Variants in LHFPL2 observed in about 807,000 individuals in gnomAD.
LHFPL2 encodes LHFPL tetraspan subfamily member 2.
In LHFPL2, 7 loss-of-function variants were observed where a neutral mutation model predicts 17.5. That is an observed-to-expected ratio of 0.40 (90% CI 0.23 to 0.75). The LOEUF is 0.75. Ranked by LOEUF, LHFPL2 falls within the 30% of genes least tolerant of loss-of-function variation. LHFPL2 has a pLI of 0.37. For synonymous variants in LHFPL2, 134 were observed against 116.2 expected (o/e 1.15, Z -0.99); for missense variants, 241 against 294.8 (o/e 0.82, Z 1.34).
intron 2 of LHFPL2, among the ~76,000 whole-genome samples, chr5:78,594,707 C>A (rs1743766689): frequency 6.6e-6 from 1 of 152,120 alleles, no homozygotes; most frequent in South Asian, 2.1e-4. Flanking sequence ...AGAAAAGGGA[C>A]AAACTTACAA....
At chr5:78,634,072 G>A (rs1283030244) in intron 1 of LHFPL2, among the ~76,000 whole-genome samples, 6 of 152,122 alleles carry the variant, frequency 3.9e-5, no homozygotes, top group Non-Finnish European at 7.4e-5. Context: ...CTCTTTCTTT[G>A]AATATCTATC....
intron 3 of LHFPL2, among the ~76,000 whole-genome samples, chr5:78,534,528 C>G (rs78508813): frequency 6.6e-6 from 1 of 152,232 alleles, no homozygotes; most frequent in Non-Finnish European, 1.5e-5. Flanking sequence ...CGCTGACTCA[C>G]TCTGGTGCCT....
At chr5:78,637,827 A>T (rs1745508830) in intron 1 of LHFPL2, among the ~76,000 whole-genome samples, 1 of 152,220 alleles carries the variant, frequency 6.6e-6, no homozygotes, top group Admixed American at 6.5e-5. Context: ...ACAGGATTCC[A>T]GCCAATTCTT....
intron 2 of LHFPL2, among the ~76,000 whole-genome samples, chr5:78,586,231 G>A (rs115137307): frequency 0.014 from 2,093 of 152,202 alleles, 47 homozygotes; most frequent in African/African-American, 0.046. Flanking sequence ...TTCCTCATCC[G>A]AAACATGGGA....
chr5:78,510,164 C>T lies in LHFPL2; in HGVS notation c.50G>A (p.Ser17Asn), dbSNP rs1449373472. ...GAGCTCGGCAAAAGCCACCACAATA[C>T]TCAGCAAGGTCCAGAGCATCGAGCG... ...TCRSMLWTLL[S>N]IVVAFAELIA... Residue 17 changes from serine (S) to asparagine (N), a missense_variant, in exon 4 of 5, where the codon AGT (serine) becomes AAT (asparagine). Physicochemically the swap from Ser to Asn is conservative, Grantham distance 46. Coordinates refer to ENST00000380345, the MANE Select transcript of LHFPL2 (RefSeq NM_005779.3). 6.2e-7 allele frequency: 1 copy of T among 1,611,712 alleles called. No individual in the cohort carries two copies. The highest frequency in any genetic ancestry group is 2.2e-5 in the East Asian group (1 of 44,798).
At position 78,488,560 on chromosome 5, in the gene LHFPL2, A is replaced by G. The variant is rs866773634; in HGVS notation, c.*337T>C. 7 of 281,062 alleles carry G rather than the reference A, an allele frequency of 2.5e-5. No individual in the cohort carries two copies. Among genetic ancestry groups the G allele is most frequent in the South Asian group, 1.9e-4 (4 of 21,514 alleles). The allele number at this position is 281,062 out of a possible 1,614,324, so 17.4% of individuals were successfully genotyped here. On this transcript the variant is annotated 3_prime_UTR_variant, in exon 5 of 5. Coordinates refer to ENST00000380345, the MANE Select transcript of LHFPL2 (RefSeq NM_005779.3). ...CAGAAACAGCCTGCAGATCTGGCGGACGGTCTCTTCCGTTACCAGAGAAAC... is the reference window on the plus strand; with the variant it reads ...CAGAAACAGCCTGCAGATCTGGCGGGCGGTCTCTTCCGTTACCAGAGAAAC...
chr5:78,550,725 C>T (rs1431192629), intron 3 of LHFPL2, among the ~76,000 whole-genome samples: 1 of 152,108 alleles, frequency 6.6e-6, no homozygotes, highest in Non-Finnish European at 1.5e-5. Context: ...TTCCCACCAC[C>T]AGGCTCGGCT....
In LHFPL2 at chr5:78,594,988, A is replaced by G. The variant is rs114167863; in HGVS notation, c.-244-30117T>C. Among the ~76,000 whole-genome samples the G allele has an allele frequency of 4.9e-3, 743 of 152,286 alleles. 7 individuals are homozygous for G. The highest frequency in any genetic ancestry group is 0.017 in the African/African-American group (704 of 41,562). On this transcript the variant is annotated intron_variant, in intron 2 of 4. Coordinates refer to ENST00000380345, the MANE Select transcript of LHFPL2 (RefSeq NM_005779.3). ...CTTGCTCTTAGAATAGAGTCTGGGG[A>G]CCAGCCTGGCTGGCCTAGCTATCTC...
chr5:78,491,651 C>G (rs191555469), intron 4 of LHFPL2, among the ~76,000 whole-genome samples: 54 of 152,302 alleles, frequency 3.5e-4, no homozygotes, highest in African/African-American at 1.3e-3. Context: ...GAGTTTGAAT[C>G]CAGGCTCCGC....
intron 3 of LHFPL2, among the ~76,000 whole-genome samples, chr5:78,546,803 C>A (rs952064993): frequency 1.1e-4 from 16 of 152,154 alleles, no homozygotes; most frequent in African/African-American, 3.6e-4. Context: ...TGGCTGCTTC[C>A]AAATGTCTGT....
chr5:78,644,451 T>C, intron 1 of LHFPL2: 1 of 628,178 alleles, frequency 1.6e-6, no homozygotes, highest in Non-Finnish European at 2.8e-6. Flanking sequence ...GGCAGTGCCC[T>C]TCCACATCTC....
intron 3 of LHFPL2, among the ~76,000 whole-genome samples, chr5:78,513,747 A>G (rs1423456862): frequency 1.3e-5 from 2 of 152,158 alleles, no homozygotes; most frequent in Non-Finnish European, 2.9e-5. Context: ...CTTAGTTCTC[A>G]TTCTCTCTTG....
chr5:78,610,945 A>G (rs1561364316), intron 2 of LHFPL2, among the ~76,000 whole-genome samples: 1 of 151,972 alleles, frequency 6.6e-6, no homozygotes, highest in Non-Finnish European at 1.5e-5. Flanking sequence ...TTAACACAAC[A>G]TTTAAGTGTC....
intron 4 of LHFPL2, among the ~76,000 whole-genome samples, chr5:78,490,430 C>T (rs1754399704): frequency 6.6e-6 from 1 of 152,150 alleles, no homozygotes; most frequent in Non-Finnish European, 1.5e-5. Context: ...AGATTTTACC[C>T]AGCAAAACTT....
In LHFPL2 at chr5:78,488,358, T is replaced by C; in HGVS notation, c.*539A>G. 6.1e-6 allele frequency: 1 copy of C among 165,046 alleles called. No individual in the cohort carries two copies. The highest frequency in any genetic ancestry group is 1.3e-5 in the Non-Finnish European group (1 of 74,500). 10.2% of individuals were successfully genotyped at this position (165,046 alleles called of 1,614,324 possible). ...ACTCCACGCCATCCCTGCTGACCCC[T>C]TTGGTCAGCTAAGCAAAAGACAGTG... On this transcript the variant is annotated 3_prime_UTR_variant, in exon 5 of 5. Transcript: ENST00000380345.
At chr5:78,545,171 C>T (rs994484948) in intron 3 of LHFPL2, among the ~76,000 whole-genome samples, 8 of 151,924 alleles carry the variant, frequency 5.3e-5, no homozygotes, top group East Asian at 1.9e-4. Flanking sequence ...ACGCAGAGAG[C>T]GCTTCTTCAC....
chr5:78,545,833 T>C lies in LHFPL2; in HGVS notation c.-186+18980A>G, dbSNP rs376862782. On this transcript the variant is annotated intron_variant, in intron 3 of 4. Transcript: ENST00000380345. ...CAATCTTATTGGCCAGAATAAAGAA[T>C]AAGACACTGGTTCATATACATTTGG... Among the ~76,000 whole-genome samples, 375 of 152,334 alleles carry C rather than the reference T, an allele frequency of 2.5e-3. 5 individuals are homozygous for C. Among genetic ancestry groups the C allele is most frequent in the Non-Finnish European group, 2.7e-3 (183 of 68,024 alleles).
At chr5:78,524,338 A>T (rs1000910030) in intron 3 of LHFPL2, among the ~76,000 whole-genome samples, 3 of 152,232 alleles carry the variant, frequency 2.0e-5, no homozygotes, top group African/African-American at 7.2e-5. Flanking sequence ...CTAGCAGAGA[A>T]TTTATGTGTA....
At chr5:78,627,992 T>TCCTA (rs1745112269) in intron 2 of LHFPL2, among the ~76,000 whole-genome samples, 1 of 152,090 alleles carries the variant, frequency 6.6e-6, no homozygotes, top group Non-Finnish European at 1.5e-5. Flanking sequence ...GCTGGCTGAG[T>TCCTA]CCTACATCAG....
Sources: allele counts gnomAD v4.1 joint callset (sites outside exome capture counted in the v4.1 genomes callset), GRCh38; gene constraint gnomAD v4.1.1; transcripts MANE v1.5; gene names NCBI Gene and HGNC (gene_info 2026-07-23, HGNC 2026-07-21).